The following ZNF394 variants were observed in gnomAD, a reference collection of about 807,000 sequenced individuals.
The protein encoded by ZNF394 is zinc finger protein 394, also known as zinc finger protein 99.
In ZNF394, 19 loss-of-function variants were observed where a neutral mutation model predicts 21.8. The observed-to-expected ratio is 0.87, with a 90% CI of 0.61 to 1.28. The LOEUF (loss-of-function observed/expected upper bound fraction) is 1.28, where lower values mean the gene tolerates loss of function less well. Ranked by LOEUF, ZNF394 falls within the 50% of genes most tolerant of loss-of-function variation. The pLI, the probability that ZNF394 is intolerant of heterozygous loss-of-function variation, is 0.00. For synonymous variants in ZNF394, 294 were observed against 273.3 expected, an observed-to-expected ratio of 1.08 and a Z score of -0.75; for missense variants, 683 against 708.6, an observed-to-expected ratio of 0.96 and a Z score of 0.41.
downstream of ZNF394, among the ~76,000 whole-genome samples, chr7:99,491,689 T>C (rs934186441): frequency 1.4e-4 from 21 of 150,456 alleles, no homozygotes; most frequent in Admixed American, 6.7e-4. Context: ...AGCAGGGGAA[T>C]TGCTTGAACC....
chr7:99,487,773 CA>C (rs1195630820), intron 1 of ZNF394, among the ~76,000 whole-genome samples: 159 of 140,180 alleles, frequency 1.1e-3, no homozygotes, highest in Middle Eastern at 3.6e-3. Context: ...GAGGCTGTCT[CA>C]AAAAAAAAAA....
At chr7:99,489,977 C>G (rs1218410670), downstream of ZNF394, among the ~76,000 whole-genome samples, 1 of 151,180 alleles carries the variant, frequency 6.6e-6, no homozygotes, top group Non-Finnish European at 1.5e-5. Context: ...TGCACTCCAG[C>G]CTGGGCGACA....
At chr7:99,489,387 T>G (rs762442703), downstream of ZNF394, among the ~76,000 whole-genome samples, 1 of 152,204 alleles carries the variant, frequency 6.6e-6, no homozygotes, top group African/African-American at 2.4e-5. Flanking sequence ...GGGCTTCATC[T>G]GACTGTGTCT....
downstream of ZNF394, among the ~76,000 whole-genome samples, chr7:99,492,935 C>T (rs1170286181): frequency 3.9e-5 from 6 of 152,034 alleles, no homozygotes; most frequent in Non-Finnish European, 5.9e-5. Context: ...TGGAGGGCTA[C>T]GACGAGACCC....
intron 1 of ZNF394, among the ~76,000 whole-genome samples, 182 bp from the exon 2 acceptor site, chr7:99,499,024 A>G (rs1800433217): frequency 6.6e-6 from 1 of 152,212 alleles, no homozygotes; most frequent in African/African-American, 2.4e-5. Flanking sequence ...GGTAGGAGCA[A>G]AATATTTCTT....
At position 99,487,884 on chromosome 7, in the gene ZNF394, AAC is replaced by A. The variant is rs548928985; in HGVS notation, n.84-923_84-922del. Among the ~76,000 whole-genome samples, 708 of 152,072 alleles carry A rather than the reference AAC, an allele frequency of 4.7e-3. 7 individuals are homozygous for A. Among genetic ancestry groups the A allele is most frequent in the African/African-American group, 0.016 (653 of 41,486 alleles). Reference sequence around the variant, plus strand: ...TCAGGAGATCAAGACCATCCTGGCTAACACAGTGAAACCCCGTTTCCACTAAA... The same window carrying A: ...TCAGGAGATCAAGACCATCCTGGCTAACAGTGAAACCCCGTTTCCACTAAA... On this transcript the variant is annotated intron_variant and non_coding_transcript_variant, in intron 1 of 1. Coordinates refer to the ZNF394 transcript ENST00000462024.
rs187263300 is a variant in ZNF394, at chr7:99,493,440, A to G, written c.*89T>C. ...CCCGGCTCATTTTTGTATTTTTAGT[A>G]GAGACAGGATTTTACCATGTTGGCC... On this transcript the variant is annotated 3_prime_UTR_variant, in exon 3 of 3. Transcript: ENST00000337673. 7 of 1,234,866 alleles carry G rather than the reference A, an allele frequency of 5.7e-6. No individual in the cohort carries two copies. Among genetic ancestry groups the G allele is most frequent in the East Asian group, 2.4e-5 (1 of 42,364 alleles). 76.5% of individuals were successfully genotyped at this position (1,234,866 alleles called of 1,614,324 possible).
chr7:99,493,395 T>A lies in ZNF394; in HGVS notation c.*134A>T. 1 of 1,014,946 alleles carries A rather than the reference T, an allele frequency of 9.9e-7. No homozygotes were observed. Among genetic ancestry groups the A allele is most frequent in the Non-Finnish European group, 1.4e-6 (1 of 719,796 alleles). 62.9% of individuals were successfully genotyped at this position (1,014,946 alleles called of 1,614,324 possible). On this transcript the variant is annotated 3_prime_UTR_variant, in exon 3 of 3. Transcript: ENST00000337673. Reference sequence around the variant, plus strand: ...CCTCAGCCTCCCGAATAGCTGGGCTTACAGGCATGCACCACCATGCCCGGC... The same window carrying A: ...CCTCAGCCTCCCGAATAGCTGGGCTAACAGGCATGCACCACCATGCCCGGC...
intron 1 of ZNF394, among the ~76,000 whole-genome samples, chr7:99,487,819 T>C (rs1800054421): frequency 6.6e-6 from 1 of 150,762 alleles, no homozygotes; most frequent in South Asian, 2.1e-4. Flanking sequence ...ACGCCTGTAA[T>C]CCCAGCACTT....
intron 1 of ZNF394, 84 bp from the exon 2 acceptor site, chr7:99,498,926 A>T: frequency 1.3e-6 from 2 of 1,486,166 alleles, no homozygotes; most frequent in South Asian, 2.7e-5. Context: ...CCGACAAGGG[A>T]GTTTGGAGAG....
intron 2 of ZNF394, among the ~76,000 whole-genome samples, chr7:99,497,025 GAA>G (rs1241099384): frequency 1.3e-5 from 2 of 148,878 alleles, no homozygotes; most frequent in Non-Finnish European, 3.0e-5. Flanking sequence ...AGTGATGCCT[GAA>G]ATTGTGTATA....
downstream of ZNF394, among the ~76,000 whole-genome samples, chr7:99,490,040 G>A (rs1299099636): frequency 2.0e-5 from 3 of 151,782 alleles, no homozygotes; most frequent in African/African-American, 7.3e-5. Context: ...CAGGCCAGGT[G>A]CACTGCGTCA....
chr7:99,500,191 A>G lies in ZNF394; in HGVS notation c.-98T>C. The G allele has an allele frequency of 7.1e-6, 9 of 1,265,112 alleles. No homozygotes were observed. Among genetic ancestry groups the G allele is most frequent in the Non-Finnish European group, 7.5e-6 (7 of 938,728 alleles). 78.4% of individuals were successfully genotyped at this position (1,265,112 alleles called of 1,614,324 possible). A position where few individuals can be genotyped will look rare whatever the true frequency, so the allele number is the denominator to read the frequency against. On this transcript the variant is annotated 5_prime_UTR_variant, in exon 1 of 3. Coordinates refer to ENST00000337673, the MANE Select transcript of ZNF394 (RefSeq NM_032164.4). Reference sequence around the variant, plus strand: ...TCAGCCGTCAACACCCTCCGGTCCCAAACACCGGGCCCCACCACACCAGGC... The same window carrying G: ...TCAGCCGTCAACACCCTCCGGTCCCGAACACCGGGCCCCACCACACCAGGC...
Position 99,498,797 on chromosome 7 carries a change from C to G in ZNF394, c.502G>C (p.Glu168Gln). The change falls in exon 2 of 3, where the codon GAG becomes CAG. Residue 168 changes from glutamate to glutamine, a missense_variant. Physicochemically the swap from Glu to Gln is conservative, Grantham distance 29 (BLOSUM62 2). Transcript: ENST00000337673. ...CGTGCTGGGTCCAGGCGCTCCCACT[C>G]CTCCCAGGTTAGAGACACAGCCGTG... Reference protein sequence around the residue: ...EDTAVSLTWEEWERLDPARRD... With the variant: ...EDTAVSLTWEQWERLDPARRD... 1.2e-6 allele frequency: 2 copies of G among 1,614,124 alleles called. No individual in the cohort carries two copies. The highest frequency in any genetic ancestry group is 1.1e-5 in the South Asian group (1 of 91,082).
At chr7:99,497,118 G>GTATATATATA (rs755158094) in intron 2 of ZNF394, among the ~76,000 whole-genome samples, 14 of 97,156 alleles carry the variant, frequency 1.4e-4, no homozygotes, top group African/African-American at 2.7e-4. Context: ...GTGTGTGTGT[G>GTATATATATA]TGTGTATATA....
In ZNF394 at chr7:99,493,989, G is replaced by T. The variant is rs1034532141; in HGVS notation, c.1226C>A (p.Thr409Lys). The T allele has an allele frequency of 6.2e-7, 1 of 1,614,230 alleles. No individual in the cohort carries two copies. Among genetic ancestry groups the T allele is most frequent in the African/African-American group, 1.3e-5 (1 of 75,064 alleles). The stretch of plus-strand genomic sequence containing the variant: ...CAGACAGGTGTACGGCTTCTCGCCT[G>T]TGTGTGTCCTCTGGTGCTTGGTCAG... ...AALTKHQRTHTGEKPYTCLKC... is the reference protein window; with the variant it reads ...AALTKHQRTHKGEKPYTCLKC... Residue 409 changes from threonine (T) to lysine (K), a missense_variant, in exon 3 of 3, where the codon ACA becomes AAA. Physicochemically the swap from Thr to Lys is moderately conservative, Grantham distance 78 (BLOSUM62 -1). Transcript: ENST00000337673.
Position 99,494,128 on chromosome 7 carries a change from A to G in ZNF394, c.1087T>C (p.Cys363Arg), listed in dbSNP as rs1442604709. The G allele has an allele frequency of 2.5e-6, 4 of 1,614,114 alleles. No homozygotes were observed. The highest frequency in any genetic ancestry group is 3.4e-6 in the Non-Finnish European group (4 of 1,180,048). ...GAGCGTTGTTTGAAACTCTTCCCAC[A>G]GTTACCACATTTATAAGGTCTTTCT... The part of the protein sequence containing the change: ...HEERPYKCGN[C>R]GKSFKQRSDL... Residue 363 changes from cysteine (C) to arginine (R), a missense_variant, in exon 3 of 3, where the codon TGT becomes CGT. Coordinates refer to ENST00000337673, the MANE Select transcript of ZNF394 (RefSeq NM_032164.4).
chr7:99,499,850 G>C lies in ZNF394; in HGVS notation c.244C>G (p.Leu82Val). The change falls in exon 1 of 3, where the codon CTG becomes GTG. Residue 82 changes from leucine (L) to valine (V), a missense_variant. By Grantham distance (32) the Leu-to-Val change is conservative. This residue lies in a region of ZNF394 where 402 missense variants were observed against 373.8 expected (regional missense o/e 1.08). Transcript: ENST00000337673. ...CGACAGAGTTCTCGGAGCCGGCTCA[G>C]CGCCTCTTCCGGTCCAGCCACCTCC... ...YQEVAGPEEA[L>V]SRLRELCRRW... 7 of 1,614,206 alleles carry C rather than the reference G, an allele frequency of 4.3e-6. No homozygotes were observed. Among genetic ancestry groups the C allele is most frequent in the African/African-American group, 1.3e-5 (1 of 75,084 alleles).
chr7:99,499,920 C>G lies in ZNF394; in HGVS notation c.174G>C (p.Pro58=). 3 of 1,614,092 alleles carry G rather than the reference C, an allele frequency of 1.9e-6. No individual in the cohort carries two copies. The highest frequency in any genetic ancestry group is 2.5e-6 in the Non-Finnish European group (3 of 1,180,024). Residue 58 remains proline, a synonymous_variant, in exon 1 of 3, where the codon CCG becomes CCC. Coordinates refer to ENST00000337673, the MANE Select transcript of ZNF394 (RefSeq NM_032164.4). ...SWEPNYPAAS[P]DPETSRLHFR... ...AGTGCAGTCGAGAAGTTTCGGGGTC[C>G]GGCGAAGCCGCGGGATAGTTGGGCT... is the stretch of plus-strand genomic sequence containing the variant.
Sources: gnomAD v4.1 joint callset for allele counts (sites outside exome capture counted in the v4.1 genomes callset) on GRCh38, gnomAD v4.1.1 for gene constraint, gnomAD v4.1.1 regional missense constraint, MANE v1.5 for transcripts, NCBI Gene and HGNC (gene_info 2026-07-23, HGNC 2026-07-21) for gene names.